The following DCC variants were observed in gnomAD, a reference collection of about 807,000 sequenced individuals.
The protein encoded by DCC is netrin receptor DCC.
In DCC, 58 loss-of-function variants were observed where a neutral mutation model predicts 172.5. That is an observed-to-expected ratio of 0.34 (90% confidence interval 0.27 to 0.42). The LOEUF (loss-of-function observed/expected upper bound fraction) is 0.42. Ranked by LOEUF, DCC falls within the 10% of genes least tolerant of loss-of-function variation. DCC has a pLI of 1.00. For missense variants in DCC, 1,740 were observed against 1,791.0 expected (o/e 0.97, Z 0.51); for synonymous variants, 709 against 644.5 (o/e 1.10, Z -1.52).
At chr18:52,346,230 A>C (rs1472294473) in intron 1 of DCC, among the ~76,000 whole-genome samples, 2 of 152,232 alleles carry the variant, frequency 1.3e-5, no homozygotes, top group Admixed American at 1.3e-4. Context: ...GCATATGCCA[A>C]ATAGGTAATA....
intron 1 of DCC, among the ~76,000 whole-genome samples, chr18:52,510,005 G>A (rs922291368): frequency 2.6e-5 from 4 of 152,076 alleles, no homozygotes; most frequent in Admixed American, 1.3e-4. Context: ...TCTAGAGGCT[G>A]AGGCAGAAGA....
intron 2 of DCC, among the ~76,000 whole-genome samples, chr18:52,884,566 G>T (rs1243999639): frequency 6.6e-6 from 1 of 151,754 alleles, no homozygotes; most frequent in African/African-American, 2.4e-5. Flanking sequence ...TAATCTCTTT[G>T]TGAAATTTCT....
intron 12 of DCC, among the ~76,000 whole-genome samples, chr18:53,289,656 A>AT (rs531160632): frequency 6.6e-6 from 1 of 152,034 alleles, no homozygotes; most frequent in Non-Finnish European, 1.5e-5. Flanking sequence ...TTCTGCAGAC[A>AT]TTAATAAAAA....
intron 1 of DCC, among the ~76,000 whole-genome samples, chr18:52,602,525 G>A (rs141138742): frequency 2.3e-4 from 35 of 151,752 alleles, no homozygotes; most frequent in Admixed American, 9.2e-4. Flanking sequence ...CATTCTACCC[G>A]TCAAAAATAA....
intron 1 of DCC, among the ~76,000 whole-genome samples, chr18:52,464,087 G>C (rs1988710920): frequency 6.6e-6 from 1 of 152,098 alleles, no homozygotes; most frequent in South Asian, 2.1e-4. Context: ...TGTTTGGTTT[G>C]CTTCACCATA....
At chr18:52,869,161 G>T (rs565473614) in intron 2 of DCC, among the ~76,000 whole-genome samples, 26 of 152,184 alleles carry the variant, frequency 1.7e-4, no homozygotes, top group African/African-American at 5.6e-4. Flanking sequence ...TTTTAGCCTC[G>T]CCATTTGTTG....
intron 12 of DCC, among the ~76,000 whole-genome samples, chr18:53,216,363 C>T (rs2055849379): frequency 6.6e-6 from 1 of 152,076 alleles, no homozygotes; most frequent in Non-Finnish European, 1.5e-5. Flanking sequence ...AGGAAATTGG[C>T]CTAAATGATT....
intron 1 of DCC, among the ~76,000 whole-genome samples, chr18:52,662,208 TAAC>T (rs2035372440): frequency 6.6e-6 from 1 of 152,210 alleles, no homozygotes; most frequent in South Asian, 2.1e-4. Context: ...TATACATTTC[TAAC>T]AAGTTACCGG....
intron 1 of DCC, among the ~76,000 whole-genome samples, chr18:52,505,999 G>A (rs1262596732): frequency 6.6e-6 from 1 of 152,130 alleles, no homozygotes; most frequent in East Asian, 1.9e-4. Context: ...ATGTCACCAT[G>A]TTCACAGAGC....
At chr18:53,356,322 G>A (rs1475554025) in intron 15 of DCC, among the ~76,000 whole-genome samples, 6 of 151,736 alleles carry the variant, frequency 4.0e-5, no homozygotes, top group Non-Finnish European at 7.4e-5. Context: ...TCATTTCCAG[G>A]TCTGTTTCTA....
At chr18:52,960,045 A>G (rs1174434094) in intron 5 of DCC, among the ~76,000 whole-genome samples, 1 of 152,138 alleles carries the variant, frequency 6.6e-6, no homozygotes, top group South Asian at 2.1e-4. Flanking sequence ...TATAGTTTCT[A>G]CTAACATGGA....
chr18:52,980,622 TTG>T (rs147529713), intron 5 of DCC, among the ~76,000 whole-genome samples: 7,632 of 152,068 alleles, frequency 0.05, 326 homozygotes, highest in East Asian at 0.2. Context: ...ATTTTTAAAA[TTG>T]TGACATTTTC....
chr18:53,367,659 A>G (rs944911275), intron 15 of DCC, among the ~76,000 whole-genome samples: 1 of 152,136 alleles, frequency 6.6e-6, no homozygotes, highest in Non-Finnish European at 1.5e-5. Context: ...TTCTATACCC[A>G]TTAAATGACA....
chr18:53,066,278 T>A, intron 7 of DCC, 112 bp downstream of exon 7: 1 of 1,001,956 alleles, frequency 1.0e-6, no homozygotes, highest in Non-Finnish European at 1.5e-6. Context: ...CAATATGAAA[T>A]CATTTAGTTA....
chr18:53,337,653 A>G (rs1271796817), intron 14 of DCC, among the ~76,000 whole-genome samples: 1 of 152,234 alleles, frequency 6.6e-6, no homozygotes, highest in Non-Finnish European at 1.5e-5. Context: ...TTTGGGGGAA[A>G]AAAAAGCATC....
intron 1 of DCC, among the ~76,000 whole-genome samples, chr18:52,745,722 G>T (rs570951404): frequency 2.0e-5 from 3 of 152,146 alleles, no homozygotes; most frequent in Non-Finnish European, 2.9e-5. Context: ...CAGTGCTATA[G>T]AGCATTAGAA....
intron 1 of DCC, among the ~76,000 whole-genome samples, chr18:52,427,707 C>A (rs909626959): frequency 6.6e-6 from 1 of 152,062 alleles, no homozygotes; most frequent in African/African-American, 2.4e-5. Flanking sequence ...CTGTTTCAAT[C>A]AGGGTGTGCA....
chr18:52,543,618 G>C (rs1598901393), intron 1 of DCC, among the ~76,000 whole-genome samples: 1 of 152,248 alleles, frequency 6.6e-6, no homozygotes, highest in African/African-American at 2.4e-5. Context: ...GAAACCCTTG[G>C]GGCTGTGGAG....
chr18:52,671,750 G>A (rs1404412706), intron 1 of DCC, among the ~76,000 whole-genome samples: 1 of 151,740 alleles, frequency 6.6e-6, no homozygotes, highest in Non-Finnish European at 1.5e-5. Context: ...TGGCCAGGCT[G>A]GTCTCGAACT....
Sources: allele counts gnomAD v4.1 joint callset (sites outside exome capture counted in the v4.1 genomes callset), GRCh38; gene constraint gnomAD v4.1.1; transcripts MANE v1.5; gene names NCBI Gene and HGNC (gene_info 2026-07-23, HGNC 2026-07-21).